ITIH5: variants seen among roughly 807,000 people sequenced by gnomAD.
The protein encoded by ITIH5 is inter-alpha-trypsin inhibitor heavy chain H5.
Under a neutral mutation model 77.5 loss-of-function variants are expected in ITIH5, and 65 were observed. That is an observed-to-expected ratio of 0.84 (90% CI 0.69 to 1.03). The LOEUF (loss-of-function observed/expected upper bound fraction) is 1.03, where lower values mean the gene tolerates loss of function less well. ITIH5 is among the 50% of genes least tolerant of loss of function. The pLI is 0.00. For synonymous variants in ITIH5, 525 were observed against 494.3 expected (o/e 1.06, Z -0.82); for missense variants, 1,208 against 1,213.1 (o/e 1.00, Z 0.06).
chr10:7,608,062 G>T (rs781104155), intron 7 of ITIH5, among the ~76,000 whole-genome samples: 3 of 152,156 alleles, frequency 2.0e-5, no homozygotes, highest in Non-Finnish European at 4.4e-5. Context: ...GCCACATAGC[G>T]CTTGCCTTCT....
At chr10:7,629,688 C>G (rs928783886) in intron 5 of ITIH5, among the ~76,000 whole-genome samples, 1 of 152,164 alleles carries the variant, frequency 6.6e-6, no homozygotes, top group African/African-American at 2.4e-5. Context: ...TTCCATTGTA[C>G]GCATATACCA....
At chr10:7,607,631 T>C (rs992569609) in intron 7 of ITIH5, among the ~76,000 whole-genome samples, 2 of 152,130 alleles carry the variant, frequency 1.3e-5, no homozygotes, top group Non-Finnish European at 2.9e-5. Flanking sequence ...CTGGCCAACA[T>C]AGTGAAACCC....
In ITIH5 at chr10:7,666,841, G is replaced by T; in HGVS notation, c.52C>A (p.Gln18Lys). ...CLGLSLCVGS[Q>K]EEAQSWGHSS... ...TGGCCCCAGCTCTGCGCCTCTTCCT[G>T]CGACCCCACACACAGGGACAGCCCC... Residue 18 changes from glutamine (Q) to lysine (K), a missense_variant, in exon 1 of 14, where the codon CAG (glutamine) becomes AAG (lysine). Gln to Lys is a moderately conservative substitution (Grantham distance 53). Coordinates refer to ENST00000397146, the MANE Select transcript of ITIH5 (RefSeq NM_030569.7). 1 of 1,609,400 alleles carries T rather than the reference G, an allele frequency of 6.2e-7. No homozygotes were observed.
intron 2 of ITIH5, 43 bp downstream of exon 2, chr10:7,655,588 A>G (rs781655691): frequency 6.7e-7 from 1 of 1,498,720 alleles, no homozygotes; most frequent in South Asian, 1.1e-5. Context: ...TAAATAGAAG[A>G]ATGAGGGAAT....
At chr10:7,611,035 A>G (rs1436838750) in intron 7 of ITIH5, among the ~76,000 whole-genome samples, 3 of 152,264 alleles carry the variant, frequency 2.0e-5, no homozygotes, top group East Asian at 1.9e-4. Context: ...TGGGTCTTCA[A>G]ATGTAAGACT....
At chr10:7,607,668 C>T (rs761565916) in intron 7 of ITIH5, among the ~76,000 whole-genome samples, 18 of 152,308 alleles carry the variant, frequency 1.2e-4, no homozygotes, top group African/African-American at 4.1e-4. Flanking sequence ...ACAAAATTAG[C>T]CAGGTGTGGC....
At chr10:7,656,385 T>C (rs927319750) in intron 1 of ITIH5, among the ~76,000 whole-genome samples, 1 of 152,132 alleles carries the variant, frequency 6.6e-6, no homozygotes, top group Non-Finnish European at 1.5e-5. Flanking sequence ...GGGGTCATTT[T>C]TGTATTTTTT....
chr10:7,604,757 T>C (rs935051343), intron 7 of ITIH5, among the ~76,000 whole-genome samples: 5 of 152,230 alleles, frequency 3.3e-5, no homozygotes, highest in Admixed American at 6.5e-5. Context: ...TCTTTCCCTA[T>C]CTCAAGTTAT....
chr10:7,592,958 A>G (rs1368963099), intron 7 of ITIH5, among the ~76,000 whole-genome samples: 1 of 152,114 alleles, frequency 6.6e-6, no homozygotes, highest in Non-Finnish European at 1.5e-5. Flanking sequence ...TGCTGGGCCC[A>G]GAGTGGTCAG....
At chr10:7,629,368 C>T (rs1480948094) in intron 5 of ITIH5, among the ~76,000 whole-genome samples, 1 of 128,774 alleles carries the variant, frequency 7.8e-6, no homozygotes, top group East Asian at 2.4e-4. Context: ...CCTGTTGTAG[C>T]GTGTGTCCAT....
In ITIH5 at chr10:7,616,098, C is replaced by T; in HGVS notation, c.823G>A (p.Val275Ile). ...NREQSIGDIQVLNGYFVHYFA... is the reference protein window; with the variant it reads ...NREQSIGDIQILNGYFVHYFA... ...TAGTGCACAAAATAGCCATTTAGAA[C>T]CTGGTGGAGGGAAAAGAAAGTAAAA... The change falls in exon 7 of 14, where the codon GTT (valine) becomes ATT (isoleucine). Residue 275 changes from valine (V) to isoleucine (I), a missense_variant and splice_region_variant. Val to Ile is a conservative substitution (Grantham distance 29). Transcript: ENST00000397146. 1 of 1,573,246 alleles carries T rather than the reference C, an allele frequency of 6.4e-7. No individual in the cohort carries two copies. The highest frequency in any genetic ancestry group is 1.1e-5 in the South Asian group (1 of 90,160).
At chr10:7,582,077 A>C (rs113831498) in intron 8 of ITIH5, among the ~76,000 whole-genome samples, 1 of 151,602 alleles carries the variant, frequency 6.6e-6, no homozygotes, top group South Asian at 2.1e-4. Flanking sequence ...GGGTTTCACC[A>C]TGTTGGCCAG....
In ITIH5 at chr10:7,559,808, G is replaced by C. The variant is rs7074077; in HGVS notation, c.*3275C>G. ...TGGCCATCTTCTCATCGTATCCCCAGGTGGTGGAGAGGAAAAACACCATCT... is the reference window on the plus strand; with the variant it reads ...TGGCCATCTTCTCATCGTATCCCCACGTGGTGGAGAGGAAAAACACCATCT... On this transcript the variant is annotated 3_prime_UTR_variant, in exon 14 of 14. Coordinates refer to ENST00000397146, the MANE Select transcript of ITIH5 (RefSeq NM_030569.7). The C allele has an allele frequency of 0.12, 52,841 of 448,860 alleles. 3,933 individuals are homozygous for C. The highest frequency in any genetic ancestry group is 0.23 in the African/African-American group (11,219 of 49,558). 27.8% of individuals were successfully genotyped at this position (448,860 alleles called of 1,614,324 possible).
chr10:7,570,613 G>T (rs1744816604), intron 11 of ITIH5, among the ~76,000 whole-genome samples: 1 of 152,048 alleles, frequency 6.6e-6, no homozygotes. Flanking sequence ...TATATTCCAA[G>T]TGCAATTTGT....
At chr10:7,593,350 C>T (rs1450466395) in intron 7 of ITIH5, among the ~76,000 whole-genome samples, 1 of 142,390 alleles carries the variant, frequency 7.0e-6, no homozygotes, top group African/African-American at 2.6e-5. Flanking sequence ...CAGACTGCAG[C>T]CACCCAGCCC....
chr10:7,585,879 G>A (rs1832666369), intron 8 of ITIH5, 22 bp downstream of exon 8: 1 of 1,480,690 alleles, frequency 6.8e-7, no homozygotes, highest in Non-Finnish European at 9.2e-7. Context: ...AAGCCAATGT[G>A]AAAAGAAGGT....
At chr10:7,630,544 TG>T (rs1833695271) in intron 5 of ITIH5, among the ~76,000 whole-genome samples, 1 of 152,210 alleles carries the variant, frequency 6.6e-6, no homozygotes, top group African/African-American at 2.4e-5. Flanking sequence ...GAAGTGGTTT[TG>T]GTTTGCATTT....
intron 7 of ITIH5, 68 bp from the exon 8 acceptor site, chr10:7,586,137 A>C: frequency 1.4e-6 from 2 of 1,390,240 alleles, no homozygotes; most frequent in Non-Finnish European, 1.9e-6. Flanking sequence ...CTGTTCTAGA[A>C]ACCGCCCCCG....
chr10:7,563,494 G>A (rs10737022), intron 13 of ITIH5, 110 bp from the exon 14 acceptor site: 895,131 of 921,068 alleles, frequency 0.97, 437,735 homozygotes, highest in East Asian at 1. Context: ...GCCACAGCCC[G>A]AGACTGGACT....
Sources: gnomAD v4.1 joint callset for allele counts (sites outside exome capture counted in the v4.1 genomes callset) on GRCh38, gnomAD v4.1.1 for gene constraint, MANE v1.5 for transcripts, NCBI Gene and HGNC (gene_info 2026-07-23, HGNC 2026-07-21) for gene names.